The following SEMA7A variants were observed in gnomAD, a reference collection of about 807,000 sequenced individuals.
The protein encoded by SEMA7A is semaphorin-7A.
SEMA7A carries 21 observed loss-of-function variants against 67.5 expected under a neutral mutation model. The ratio of observed to expected loss-of-function variants is 0.31; its 90% CI spans 0.22 to 0.45. The LOEUF is 0.45. Ranked by LOEUF, SEMA7A falls within the 20% of genes least tolerant of loss-of-function variation. The pLI, the probability that SEMA7A is intolerant of heterozygous loss-of-function variation, is 1.00. For synonymous variants in SEMA7A, 364 were observed against 368.5 expected, an observed-to-expected ratio of 0.99 and a Z score of 0.14; for missense variants, 774 against 908.6, an observed-to-expected ratio of 0.85 and a Z score of 1.90.
intron 8 of SEMA7A, 152 bp downstream of exon 8, chr15:74,415,649 C>T: frequency 1.3e-6 from 1 of 743,274 alleles, no homozygotes. Flanking sequence ...CTGGCTGTCC[C>T]CCCACCCCAC....
At position 74,418,814 on chromosome 15, in the gene SEMA7A, G is replaced by A. The variant is rs2060975240; in HGVS notation, c.317C>T (p.Ala106Val). 6.2e-7 allele frequency: 1 copy of A among 1,613,744 alleles called. No individual in the cohort carries two copies. The highest frequency in any genetic ancestry group is 8.5e-7 in the Non-Finnish European group (1 of 1,179,966). The change falls in exon 2 of 14, where the codon GCA becomes GTA. Residue 106 changes from alanine (A) to valine (V), a missense_variant. By Grantham distance (64) the Ala-to-Val change is moderately conservative. Transcript: ENST00000261918. ...YLFDFPEGKNASVRTVNIGST... is the reference protein window; with the variant it reads ...YLFDFPEGKNVSVRTVNIGST... ...AGAGAGGCTCACCGTGCGCACAGAT[G>A]CGTTCTTGCCCTCGGGGAAGTCAAA...
At chr15:74,426,413 A>C (rs1179858115) in intron 1 of SEMA7A, among the ~76,000 whole-genome samples, 4 of 152,200 alleles carry the variant, frequency 2.6e-5, no homozygotes, top group Non-Finnish European at 4.4e-5. Context: ...GGCTTCAGGT[A>C]CACCAGGTAT....
chr15:74,410,049 C>T lies in SEMA7A; in HGVS notation c.*575G>A, dbSNP rs770081544. 6.6e-6 allele frequency: 1 copy of T among 152,014 alleles called. No homozygotes were observed. The highest frequency in any genetic ancestry group is 1.5e-5 in the Non-Finnish European group (1 of 68,196). 9.4% of individuals were successfully genotyped at this position (152,014 alleles called of 1,614,324 possible). On this transcript the variant is annotated 3_prime_UTR_variant, in exon 14 of 14. Coordinates refer to ENST00000261918, the MANE Select transcript of SEMA7A (RefSeq NM_003612.5). The surrounding 1 kb of genome is among the most constrained non-coding windows in gnomAD (Gnocchi z 7.5). ...ATAGAGCTTTTTCCGTCCTTCCGTC[C>T]GGAAAGCAAACATCCTTCAATAAAC...
intron 7 of SEMA7A, 95 bp from the exon 8 acceptor site, chr15:74,416,080 C>G: frequency 7.6e-7 from 1 of 1,307,328 alleles, no homozygotes; most frequent in Non-Finnish European, 1.1e-6. Flanking sequence ...AACACCTGGG[C>G]CCAGAGGAGG....
Position 74,415,783 on chromosome 15 carries a change from A to C in SEMA7A, c.986+18T>G, listed in dbSNP as rs1397073251. 1 of 1,603,744 alleles carries C rather than the reference A, an allele frequency of 6.2e-7. No individual in the cohort carries two copies. Among genetic ancestry groups the C allele is most frequent in the South Asian group, 1.1e-5 (1 of 89,922 alleles). Reference sequence around the variant, plus strand: ...CTGAACCAATGCCAGCCCCGGCCCCAGGACAAGGGCCACTCACCAGGGGTT... The same window carrying C: ...CTGAACCAATGCCAGCCCCGGCCCCCGGACAAGGGCCACTCACCAGGGGTT... On this transcript the variant is annotated intron_variant, in intron 8 of 13. Transcript: ENST00000261918.
chr15:74,416,342 C>A (rs547200110), intron 7 of SEMA7A, among the ~76,000 whole-genome samples: 5 of 152,030 alleles, frequency 3.3e-5, no homozygotes, highest in Admixed American at 3.3e-4. Context: ...CACACACACA[C>A]CCCATCATAC....
chr15:74,415,787 C>T lies in SEMA7A; in HGVS notation c.986+14G>A, dbSNP rs1250133931. The T allele has an allele frequency of 1.9e-6, 3 of 1,606,728 alleles. No individual in the cohort carries two copies. Among genetic ancestry groups the T allele is most frequent in the African/African-American group, 2.7e-5 (2 of 74,840 alleles). On this transcript the variant is annotated intron_variant, in intron 8 of 13. Coordinates refer to ENST00000261918, the MANE Select transcript of SEMA7A (RefSeq NM_003612.5). Reference sequence around the variant, plus strand: ...ACCAATGCCAGCCCCGGCCCCAGGACAAGGGCCACTCACCAGGGGTTGGAG... The same window carrying T: ...ACCAATGCCAGCCCCGGCCCCAGGATAAGGGCCACTCACCAGGGGTTGGAG...
rs2060975384 is a variant in SEMA7A at position 74,418,823 on chromosome 15, C to T, written c.308G>A (p.Gly103Asp). The T allele has an allele frequency of 1.2e-6, 2 of 1,613,728 alleles. No homozygotes were observed. The highest frequency in any genetic ancestry group is 2.2e-5 in the South Asian group (2 of 91,086). The stretch of plus-strand genomic sequence containing the variant: ...CACCGTGCGCACAGATGCGTTCTTG[C>T]CCTCGGGGAAGTCAAAGAGGTAGAC... ...GKVYLFDFPEGKNASVRTVNI... is the reference protein window; with the variant it reads ...GKVYLFDFPEDKNASVRTVNI... The change falls in exon 2 of 14, where the codon GGC becomes GAC. Residue 103 changes from glycine (G) to aspartate (D), a missense_variant. Physicochemically the swap from Gly to Asp is moderately conservative, Grantham distance 94 (BLOSUM62 -1). This residue lies in a region of SEMA7A where 347 missense variants were observed against 353.2 expected (regional missense o/e 0.98). Transcript: ENST00000261918.
Position 74,423,846 on chromosome 15 carries a change from C to T in SEMA7A, c.179-4894G>A, listed in dbSNP as rs1243684322. On this transcript the variant is annotated intron_variant, in intron 1 of 13. Transcript: ENST00000261918. The surrounding 1 kb of genome is among the most constrained non-coding windows in gnomAD (Gnocchi z 4.1). ...TGGCCAGGAAGAGGGTGTGAGAAGCCTGGTTTCCAGGGTGGCACCGGCTCG... is the reference window on the plus strand; with the variant it reads ...TGGCCAGGAAGAGGGTGTGAGAAGCTTGGTTTCCAGGGTGGCACCGGCTCG... Among the ~76,000 whole-genome samples the T allele has an allele frequency of 1.3e-5, 2 of 152,176 alleles. No homozygotes were observed. Among genetic ancestry groups the T allele is most frequent in the Non-Finnish European group, 2.9e-5 (2 of 68,040 alleles).
chr15:74,417,209 G>A (rs2060957864), intron 6 of SEMA7A, 126 bp downstream of exon 6: 1 of 753,522 alleles, frequency 1.3e-6, no homozygotes, highest in East Asian at 2.5e-5. Flanking sequence ...CTATACCAAG[G>A]TCCTGCTTTC....
At position 74,418,313 on chromosome 15, in the gene SEMA7A, G is replaced by A; in HGVS notation, c.331-4C>T. 3.1e-6 allele frequency: 5 copies of A among 1,612,342 alleles called. No individual in the cohort carries two copies. The highest frequency in any genetic ancestry group is 4.2e-6 in the Non-Finnish European group (5 of 1,179,450). ...CCTTTGTGGAGCCGATATTCACCTG[G>A]GGGAAGGGGAGAAGCATTAGTTCAA... On this transcript the variant is annotated splice_polypyrimidine_tract_variant and splice_region_variant and intron_variant, in intron 2 of 13. Coordinates refer to ENST00000261918, the MANE Select transcript of SEMA7A (RefSeq NM_003612.5).
chr15:74,421,301 G>C (rs1030607892), intron 1 of SEMA7A, among the ~76,000 whole-genome samples: 2 of 152,140 alleles, frequency 1.3e-5, no homozygotes, highest in Admixed American at 6.5e-5. Flanking sequence ...TGGACCCCAG[G>C]GCTGCCCACA....
intron 1 of SEMA7A, among the ~76,000 whole-genome samples, chr15:74,428,203 G>A (rs987670372): frequency 6.6e-6 from 1 of 152,224 alleles, no homozygotes; most frequent in Non-Finnish European, 1.5e-5. Context: ...CAGCTGGTGT[G>A]GCTCCTGGGA....
At chr15:74,417,725 C>T in intron 4 of SEMA7A, 50 bp from the exon 5 acceptor site, 1 of 1,560,696 alleles carries the variant, frequency 6.4e-7, no homozygotes, top group Non-Finnish European at 8.8e-7. Flanking sequence ...ACAGCCACTG[C>T]CTCCCATGAC....
intron 10 of SEMA7A, among the ~76,000 whole-genome samples, chr15:74,413,116 C>T (rs1204577326): frequency 1.4e-5 from 2 of 141,766 alleles, no homozygotes; most frequent in African/African-American, 2.5e-5. Flanking sequence ...TCTACACATC[C>T]GTGATCCTCA....
Position 74,409,431 on chromosome 15 carries a change from C to G in SEMA7A, c.*1193G>C, listed in dbSNP as rs956293023. ...CAGCCGGAGAAGGGCCCAGCTCCCC[C>G]CTGAAATGGATGGACAGGGCTGGGG... On this transcript the variant is annotated 3_prime_UTR_variant, in exon 14 of 14. Transcript: ENST00000261918. The G allele has an allele frequency of 2.6e-5, 4 of 152,320 alleles. No homozygotes were observed. Among genetic ancestry groups the G allele is most frequent in the East Asian group, 1.9e-4 (1 of 5,194 alleles). 9.4% of individuals were successfully genotyped at this position (152,320 alleles called of 1,614,324 possible).
chr15:74,418,453 G>T (rs1358061258), intron 2 of SEMA7A, 144 bp from the exon 3 acceptor site: 7 of 821,036 alleles, frequency 8.5e-6, no homozygotes, highest in Non-Finnish European at 1.4e-5. Flanking sequence ...CTGAGAGGGT[G>T]AGTGATCTAC....
In SEMA7A at chr15:74,410,249, G is replaced by A. The variant is rs751562573; in HGVS notation, c.*375C>T. ...CAGAAGGACTCAGGCCTCAGCCCCA[G>A]GGTCGAGATGGAGTCCCAGCTCTCC... On this transcript the variant is annotated 3_prime_UTR_variant, in exon 14 of 14. Transcript: ENST00000261918. The surrounding 1 kb of genome is among the most constrained non-coding windows in gnomAD (Gnocchi z 7.5). The A allele has an allele frequency of 1.8e-4, 38 of 208,542 alleles. No homozygotes were observed. The highest frequency in any genetic ancestry group is 2.6e-4 in the Non-Finnish European group (27 of 105,102). The allele number at this position is 208,542 out of a possible 1,614,324, so 12.9% of individuals were successfully genotyped here.
intron 1 of SEMA7A, among the ~76,000 whole-genome samples, chr15:74,420,014 C>T (rs1402989551): frequency 4.6e-5 from 7 of 152,186 alleles, no homozygotes; most frequent in African/African-American, 1.7e-4. Context: ...CTCTGACCAG[C>T]CTGGGCCTCA....
Sources: gnomAD v4.1 joint callset for allele counts (sites outside exome capture counted in the v4.1 genomes callset) on GRCh38, gnomAD v4.1.1 for gene constraint, gnomAD v4.1.1 regional missense constraint, Gnocchi (gnomAD v3.1) non-coding constraint, MANE v1.5 for transcripts, NCBI Gene and HGNC (gene_info 2026-07-23, HGNC 2026-07-21) for gene names.